Variants in GSE1 observed in about 807,000 individuals in gnomAD.
GSE1 encodes the protein genetic suppressor element 1.
Under a neutral mutation model 112.6 loss-of-function variants are expected in GSE1, and 32 were observed. The observed-to-expected ratio is 0.28, with a 90% CI of 0.21 to 0.38. The LOEUF (loss-of-function observed/expected upper bound fraction) is 0.38, where lower values mean the gene tolerates loss of function less well. GSE1 is among the 10% of genes least tolerant of loss of function. GSE1 has a pLI of 1.00. For synonymous variants in GSE1, 1,115 were observed against 735.6 expected (o/e 1.52, Z -8.35); for missense variants, 2,348 against 1,699.2 (o/e 1.38, Z -6.71).
chr16:85,194,713 G>A (rs79801400), intron 1 of GSE1, among the ~76,000 whole-genome samples: 2,676 of 152,244 alleles, frequency 0.018, 88 homozygotes, highest in African/African-American at 0.061. Flanking sequence ...TTTAATGCAC[G>A]GATGTCTACT....
At chr16:85,332,717 C>G (rs563926814) in intron 1 of GSE1, among the ~76,000 whole-genome samples, 2 of 152,278 alleles carry the variant, frequency 1.3e-5, no homozygotes, top group South Asian at 4.1e-4. Flanking sequence ...TGGTTGTTTT[C>G]CTACCTGGAA....
intron 2 of GSE1, among the ~76,000 whole-genome samples, chr16:85,401,774 C>T (rs1425337152): frequency 1.3e-5 from 2 of 152,238 alleles, no homozygotes; most frequent in East Asian, 3.9e-4. Context: ...GTCCATGCTG[C>T]TACTGTGGGG....
intron 13 of GSE1, among the ~76,000 whole-genome samples, 155 bp from the exon 14 acceptor site, chr16:85,667,985 G>A (rs535417844): frequency 1.3e-5 from 2 of 152,274 alleles, no homozygotes; most frequent in East Asian, 3.9e-4. Context: ...AGAGGCCTTG[G>A]GCTAGGTCCC....
upstream of GSE1, chr16:85,555,151 C>T (rs970525553): frequency 2.6e-5 from 26 of 985,456 alleles, no homozygotes; most frequent in Non-Finnish European, 3.1e-5. Flanking sequence ...CGCCCCTACC[C>T]TTTCGCTTTC....
At chr16:85,199,909 G>A (rs779528106) in intron 1 of GSE1, among the ~76,000 whole-genome samples, 5 of 152,176 alleles carry the variant, frequency 3.3e-5, no homozygotes, top group African/African-American at 4.8e-5. Flanking sequence ...ATGGGACAGC[G>A]TGGATGGCCA....
intron 1 of GSE1, among the ~76,000 whole-genome samples, chr16:85,287,017 C>T (rs535445334): frequency 2.0e-5 from 3 of 152,330 alleles, no homozygotes; most frequent in South Asian, 2.1e-4. Context: ...CCCCGGGTGC[C>T]GCCCGCCACA....
intron 1 of GSE1, among the ~76,000 whole-genome samples, chr16:85,339,667 G>C (rs1253762967): frequency 6.6e-6 from 1 of 151,180 alleles, no homozygotes; most frequent in African/African-American, 2.4e-5. Context: ...GGTGGGGGCG[G>C]TTCTTTTTAA....
intron 2 of GSE1, among the ~76,000 whole-genome samples, chr16:85,361,932 G>C (rs895326133): frequency 2.6e-5 from 4 of 152,178 alleles, no homozygotes; most frequent in African/African-American, 9.7e-5. Flanking sequence ...GCCGTGTCCA[G>C]AGTGGGGCCA....
intron 1 of GSE1, among the ~76,000 whole-genome samples, chr16:85,615,056 A>G (rs2048285918): frequency 6.6e-6 from 1 of 152,150 alleles, no homozygotes; most frequent in African/African-American, 2.4e-5. Context: ...CAGGGGTGGA[A>G]GGGGGAACCC....
intron 9 of GSE1, 79 bp downstream of exon 9, chr16:85,661,844 C>T: frequency 3.0e-6 from 4 of 1,346,494 alleles, no homozygotes; most frequent in Non-Finnish European, 3.0e-6. Context: ...CAGCCACCTG[C>T]CCCTCTCCGT....
intron 2 of GSE1, among the ~76,000 whole-genome samples, chr16:85,641,352 G>A (rs768153314): frequency 2.6e-4 from 40 of 152,176 alleles, no homozygotes; most frequent in Admixed American, 1.8e-3. Context: ...CGCACCTCCC[G>A]CTGTCAGTTT....
At chr16:85,504,080 C>T (rs2051458323) in intron 2 of GSE1, among the ~76,000 whole-genome samples, 1 of 152,242 alleles carries the variant, frequency 6.6e-6, no homozygotes, top group African/African-American at 2.4e-5. Flanking sequence ...CACCTCTCTT[C>T]CAGGCCTGTG....
At chr16:85,438,092 G>A (rs143684558) in intron 2 of GSE1, among the ~76,000 whole-genome samples, 5 of 152,250 alleles carry the variant, frequency 3.3e-5, no homozygotes, top group African/African-American at 1.2e-4. Context: ...GCACCCCAGG[G>A]GCTGCCTACC....
intron 1 of GSE1, among the ~76,000 whole-genome samples, chr16:85,614,226 C>G (rs1476677960): frequency 6.6e-6 from 1 of 152,206 alleles, no homozygotes; most frequent in African/African-American, 2.4e-5. Flanking sequence ...CCGCCCCCAG[C>G]CCTCCCGGGC....
At chr16:85,186,471 C>T (rs533634218) in intron 1 of GSE1, among the ~76,000 whole-genome samples, 15 of 152,080 alleles carry the variant, frequency 9.9e-5, no homozygotes, top group South Asian at 4.2e-4. Context: ...GGTGTGGTGG[C>T]GCATGCCTGT....
intron 2 of GSE1, among the ~76,000 whole-genome samples, chr16:85,640,193 C>T (rs1056467168): frequency 1.3e-5 from 2 of 152,102 alleles, no homozygotes; most frequent in South Asian, 2.1e-4. Flanking sequence ...GTTCCCACCC[C>T]GCCTCCTTGT....
At chr16:85,362,200 G>A (rs938545280) in intron 2 of GSE1, among the ~76,000 whole-genome samples, 7 of 152,248 alleles carry the variant, frequency 4.6e-5, no homozygotes, top group Non-Finnish European at 8.8e-5. Context: ...CCGAAACCTT[G>A]TGATGGATGT....
chr16:85,235,354 C>T lies in GSE1; in HGVS notation c.2283+63547C>T, dbSNP rs555698719. On this transcript the variant is annotated intron_variant, in intron 1 of 2. Coordinates refer to the GSE1 transcript ENST00000637419. ...GGGGTTGGTTCTGGCCCCCTCACCC[C>T]CCTCCCACCTCAGAGAGGCCTCTCC... 2.0e-5 allele frequency among the ~76,000 whole-genome samples: 3 copies of T among 151,780 alleles called. No individual in the cohort carries two copies. The East Asian group carries it at 5.9e-4, about 30-fold the overall frequency.
chr16:85,518,923 C>G (rs981360665), intron 2 of GSE1, among the ~76,000 whole-genome samples: 1 of 152,148 alleles, frequency 6.6e-6, no homozygotes, highest in Non-Finnish European at 1.5e-5. Context: ...TCCGCTGGCT[C>G]GTGTTTTTCT....
Sources: allele counts gnomAD v4.1 joint callset (sites outside exome capture counted in the v4.1 genomes callset), GRCh38; gene constraint gnomAD v4.1.1; transcripts MANE v1.5; gene names NCBI Gene and HGNC (gene_info 2026-07-23, HGNC 2026-07-21).